Variants in TNFSF4 observed in about 807,000 individuals in gnomAD.
TNFSF4 encodes the protein tumor necrosis factor ligand superfamily member 4.
TNFSF4 carries 4 observed loss-of-function variants against 7.3 expected under a neutral mutation model. That is an observed-to-expected ratio of 0.55 (90% CI 0.27 to 1.25). The LOEUF (loss-of-function observed/expected upper bound fraction) is 1.25, where lower values mean the gene tolerates loss of function less well. TNFSF4 is among the 50% of genes most tolerant of loss of function. The pLI is 0.12. For synonymous variants in TNFSF4, 76 were observed against 83.7 expected (o/e 0.91, Z 0.50); for missense variants, 181 against 208.8 (o/e 0.87, Z 0.82).
chr1:173,328,460 A>T, the TNFSF4 span, among the ~76,000 whole-genome samples: 2 of 152,162 alleles, frequency 1.3e-5, no homozygotes, highest in Admixed American at 6.5e-5. Context: ...CATATGTAAC[A>T]AACCTGCACG....
At chr1:173,300,622 G>A in the TNFSF4 span, among the ~76,000 whole-genome samples, 1 of 151,794 alleles carries the variant, frequency 6.6e-6, no homozygotes, top group Non-Finnish European at 1.5e-5. Flanking sequence ...CATAAGTAAT[G>A]GAATTTTTTC....
At chr1:173,445,351 G>A in the TNFSF4 span, among the ~76,000 whole-genome samples, 83 of 152,252 alleles carry the variant, frequency 5.5e-4, no homozygotes, top group African/African-American at 1.4e-3. Flanking sequence ...AATGAGCTGC[G>A]ATGGGGGTGC....
At chr1:173,294,463 T>A in the TNFSF4 span, among the ~76,000 whole-genome samples, 1 of 151,470 alleles carries the variant, frequency 6.6e-6, no homozygotes, top group African/African-American at 2.4e-5. Context: ...ATGGGGAGGG[T>A]CATAGATGAG....
At chr1:173,373,492 T>C in the TNFSF4 span, among the ~76,000 whole-genome samples, 1 of 152,150 alleles carries the variant, frequency 6.6e-6, no homozygotes, top group Non-Finnish European at 1.5e-5. Context: ...AAAGTACTCA[T>C]ACCCCAAGCC....
At chr1:173,286,535 G>A in the TNFSF4 span, among the ~76,000 whole-genome samples, 2 of 152,130 alleles carry the variant, frequency 1.3e-5, no homozygotes, top group Admixed American at 1.3e-4. Context: ...TGGATTCAGT[G>A]GATATCCATT....
chr1:173,437,739 TTCCATCTATATACAG>T, the TNFSF4 span, among the ~76,000 whole-genome samples: 1 of 152,214 alleles, frequency 6.6e-6, no homozygotes, highest in Non-Finnish European at 1.5e-5. Flanking sequence ...CTCTATTCTG[TTCCATCTATATACAG>T]TCCATCACTC....
At chr1:173,373,025 A>G in the TNFSF4 span, among the ~76,000 whole-genome samples, 1 of 152,262 alleles carries the variant, frequency 6.6e-6, no homozygotes, top group East Asian at 1.9e-4. Context: ...CCCAGTTAGC[A>G]GAACTAGTGG....
the TNFSF4 span, among the ~76,000 whole-genome samples, chr1:173,366,047 C>A: frequency 2.0e-5 from 3 of 152,000 alleles, no homozygotes; most frequent in African/African-American, 7.3e-5. Flanking sequence ...ATTAGTAAAA[C>A]CATTATGGAA....
the TNFSF4 span, among the ~76,000 whole-genome samples, chr1:173,326,785 A>C: frequency 6.6e-6 from 1 of 152,192 alleles, no homozygotes; most frequent in South Asian, 2.1e-4. Flanking sequence ...AAAGAGGATA[A>C]AATACCTAGG....
the TNFSF4 span, among the ~76,000 whole-genome samples, chr1:173,262,198 T>C: frequency 7.4e-4 from 113 of 152,182 alleles, no homozygotes; most frequent in African/African-American, 2.6e-3. Context: ...ATAAACACAA[T>C]CCATCACATA....
chr1:173,444,536 A>C, the TNFSF4 span, among the ~76,000 whole-genome samples: 1 of 151,926 alleles, frequency 6.6e-6, no homozygotes, highest in Non-Finnish European at 1.5e-5. Context: ...TTTTTTGAAA[A>C]CTTTCAAATT....
chr1:173,328,230 C>A, the TNFSF4 span, among the ~76,000 whole-genome samples: 1 of 151,964 alleles, frequency 6.6e-6, no homozygotes, highest in East Asian at 1.9e-4. Context: ...TGAAAACCAT[C>A]ATTCTCAGCA....
the TNFSF4 span, among the ~76,000 whole-genome samples, chr1:173,360,006 A>C: frequency 6.6e-6 from 1 of 152,282 alleles, no homozygotes; most frequent in Non-Finnish European, 1.5e-5. Context: ...TTATATGACC[A>C]TAGGGTCAAT....
the TNFSF4 span, among the ~76,000 whole-genome samples, chr1:173,263,905 A>C: frequency 6.6e-6 from 1 of 152,152 alleles, no homozygotes; most frequent in African/African-American, 2.4e-5. Context: ...TGAAGGGAGG[A>C]CCTAGGTGAC....
At chr1:173,239,276 A>T in the TNFSF4 span, among the ~76,000 whole-genome samples, 4 of 152,156 alleles carry the variant, frequency 2.6e-5, no homozygotes, top group Non-Finnish European at 5.9e-5. Context: ...AATTAATAGC[A>T]TCAATTTTGA....
upstream of TNFSF4, among the ~76,000 whole-genome samples, chr1:173,212,034 G>C (rs1026387606): frequency 3.3e-5 from 5 of 152,146 alleles, no homozygotes; most frequent in Non-Finnish European, 7.4e-5. Context: ...AGGGCCTCAT[G>C]GTGCTTCTAC....
At chr1:173,311,486 C>A in the TNFSF4 span, among the ~76,000 whole-genome samples, 1 of 151,874 alleles carries the variant, frequency 6.6e-6, no homozygotes, top group Non-Finnish European at 1.5e-5. Flanking sequence ...TCTGAAGGAC[C>A]CCTCTCCTTC....
At chr1:173,382,909 C>CAA in the TNFSF4 span, among the ~76,000 whole-genome samples, 3,960 of 67,214 alleles carry the variant, frequency 0.059, 145 homozygotes, top group African/African-American at 0.15. Flanking sequence ...CACACACACA[C>CAA]AAAGGTGCGT....
At chr1:173,202,706 T>A (rs531217693) in intron 1 of TNFSF4, among the ~76,000 whole-genome samples, 10 of 152,332 alleles carry the variant, frequency 6.6e-5, no homozygotes, top group Admixed American at 5.2e-4. Flanking sequence ...TTTAGCATGA[T>A]TCACAAGATC....
Sources: gnomAD v4.1 joint callset for allele counts (sites outside exome capture counted in the v4.1 genomes callset) on GRCh38, gnomAD v4.1.1 for gene constraint, MANE v1.5 for transcripts, NCBI Gene and HGNC (gene_info 2026-07-23, HGNC 2026-07-21) for gene names.